Variants in KCNH1 observed in about 807,000 individuals in gnomAD.
The protein encoded by KCNH1 is voltage-gated delayed rectifier potassium channel KCNH1.
A neutral mutation model predicts 69.2 loss-of-function variants in KCNH1; 27 were observed. The observed-to-expected ratio is 0.39, with a 90% CI of 0.29 to 0.54. The LOEUF (loss-of-function observed/expected upper bound fraction) is 0.54. KCNH1 is among the 20% of genes least tolerant of loss of function. The pLI is 0.68. For synonymous variants in KCNH1, 456 were observed against 487.7 expected (o/e 0.93, Z 0.86); for missense variants, 798 against 1,261.6 (o/e 0.63, Z 5.57).
chr1:210,719,952 T>C (rs1364663927), intron 10 of KCNH1, among the ~76,000 whole-genome samples: 1 of 152,074 alleles, frequency 6.6e-6, no homozygotes, highest in Admixed American at 6.5e-5. Context: ...TCTAGCGCTA[T>C]GTGTGTAAAT....
chr1:210,791,172 G>A (rs1209693575), intron 9 of KCNH1, among the ~76,000 whole-genome samples: 1 of 152,182 alleles, frequency 6.6e-6, no homozygotes, highest in Non-Finnish European at 1.5e-5. Flanking sequence ...GTCATTTCTT[G>A]TGGTTTAGGT....
At chr1:210,932,744 A>G (rs976073426) in intron 6 of KCNH1, among the ~76,000 whole-genome samples, 2 of 152,182 alleles carry the variant, frequency 1.3e-5, no homozygotes, top group Non-Finnish European at 2.9e-5. Context: ...TAAGCCAAAA[A>G]CTGTAAAAAG....
chr1:210,839,553 C>T (rs1685360792), intron 7 of KCNH1, among the ~76,000 whole-genome samples: 1 of 152,054 alleles, frequency 6.6e-6, no homozygotes. Context: ...TGTAACAAAC[C>T]CACACATCCT....
intron 10 of KCNH1, among the ~76,000 whole-genome samples, chr1:210,771,126 A>G (rs563207591): frequency 1.1e-4 from 16 of 152,242 alleles, no homozygotes; most frequent in Non-Finnish European, 1.5e-4. Flanking sequence ...AGCTCTGATT[A>G]CAGACACAAG....
chr1:211,104,240 A>G (rs1691314581), intron 2 of KCNH1, among the ~76,000 whole-genome samples: 1 of 152,198 alleles, frequency 6.6e-6, no homozygotes, highest in Non-Finnish European at 1.5e-5. Context: ...CTTGAAAGCA[A>G]TGGGAGCACA....
intron 7 of KCNH1, among the ~76,000 whole-genome samples, chr1:210,873,642 G>C (rs1400040586): frequency 6.6e-6 from 1 of 152,106 alleles, no homozygotes; most frequent in Admixed American, 6.6e-5. Flanking sequence ...TGGGATTACA[G>C]GCATGAGCCA....
At chr1:210,997,862 A>C (rs897404401) in intron 6 of KCNH1, among the ~76,000 whole-genome samples, 1 of 152,272 alleles carries the variant, frequency 6.6e-6, no homozygotes, top group Non-Finnish European at 1.5e-5. Flanking sequence ...GATATTCAAC[A>C]TTCTTAAAGA....
At chr1:210,731,930 C>A (rs1436719980) in intron 10 of KCNH1, among the ~76,000 whole-genome samples, 1 of 152,154 alleles carries the variant, frequency 6.6e-6, no homozygotes, top group Admixed American at 6.5e-5. Flanking sequence ...TTCTGATTTT[C>A]TGTGCAAAGC....
At position 211,076,400 on chromosome 1, in the gene KCNH1, A is replaced by AGCAATATTTGCTGTTCT. The variant is rs554658177; in HGVS notation, c.558+6363_558+6379dup. Reference sequence around the variant, plus strand: ...GAGGCCTCCAAAGGAAGGATCAGGCAGCAATATTTGCTGTTCTGCAATATT... The same window carrying AGCAATATTTGCTGTTCT: ...GAGGCCTCCAAAGGAAGGATCAGGCAGCAATATTTGCTGTTCTGCAATATTTGCTGTTCTGCAATATT... On this transcript the variant is annotated intron_variant, in intron 5 of 10. Transcript: ENST00000271751. Among the ~76,000 whole-genome samples the AGCAATATTTGCTGTTCT allele has an allele frequency of 3.3e-5, 5 of 152,218 alleles. No individual in the cohort carries two copies. The East Asian group carries it at 9.6e-4, about 29-fold the overall frequency.
intron 7 of KCNH1, among the ~76,000 whole-genome samples, chr1:210,901,451 GGATGTGTGGGAT>G (rs1686994006): frequency 6.6e-6 from 1 of 152,162 alleles, no homozygotes; most frequent in Non-Finnish European, 1.5e-5. Flanking sequence ...GGTTGGATGG[GGATGTGTGGGAT>G]GGTGTGGGCA....
intron 7 of KCNH1, among the ~76,000 whole-genome samples, chr1:210,904,979 T>C (rs1169757908): frequency 6.6e-6 from 1 of 152,170 alleles, no homozygotes; most frequent in Non-Finnish European, 1.5e-5. Flanking sequence ...CCACCACCTA[T>C]GTTCATCAGA....
At chr1:210,908,877 G>A (rs978863691) in intron 7 of KCNH1, among the ~76,000 whole-genome samples, 6 of 152,314 alleles carry the variant, frequency 3.9e-5, no homozygotes, top group African/African-American at 9.6e-5. Flanking sequence ...AGCAGGGCAC[G>A]TGCAGCTCTG....
At chr1:211,071,107 A>G (rs1690634311) in intron 5 of KCNH1, among the ~76,000 whole-genome samples, 1 of 152,254 alleles carries the variant, frequency 6.6e-6, no homozygotes, top group South Asian at 2.1e-4. Context: ...TAACAAAATC[A>G]TAAGGAAGGA....
chr1:210,732,772 G>T (rs1682775594), intron 10 of KCNH1, among the ~76,000 whole-genome samples: 1 of 152,224 alleles, frequency 6.6e-6, no homozygotes, highest in Admixed American at 6.5e-5. Context: ...GCAGAGGAAG[G>T]AAGTTCTCTG....
At chr1:210,851,040 C>T (rs977183627) in intron 7 of KCNH1, among the ~76,000 whole-genome samples, 1 of 152,334 alleles carries the variant, frequency 6.6e-6, no homozygotes, top group Admixed American at 6.5e-5. Context: ...CAATATTTGT[C>T]TTCATGGCCC....
chr1:210,899,341 C>T (rs147245155), intron 7 of KCNH1, among the ~76,000 whole-genome samples: 2,048 of 152,226 alleles, frequency 0.013, 56 homozygotes, highest in African/African-American at 0.045. Flanking sequence ...TCTAAAAGAA[C>T]AGCACTCTTG....
At chr1:210,935,347 C>T (rs927839736) in intron 6 of KCNH1, among the ~76,000 whole-genome samples, 3 of 151,950 alleles carry the variant, frequency 2.0e-5, no homozygotes, top group South Asian at 2.1e-4. Flanking sequence ...GCAAAAATAA[C>T]GGTTACTAGA....
chr1:211,093,303 C>G (rs1057359885), intron 3 of KCNH1, among the ~76,000 whole-genome samples: 1 of 152,152 alleles, frequency 6.6e-6, no homozygotes, highest in Non-Finnish European at 1.5e-5. Flanking sequence ...CCCCTCTTAA[C>G]AGGTCCATTT....
At chr1:211,097,055 C>A (rs1460738462) in intron 3 of KCNH1, among the ~76,000 whole-genome samples, 2 of 152,170 alleles carry the variant, frequency 1.3e-5, no homozygotes, top group East Asian at 1.9e-4. Context: ...CCTAATCGAA[C>A]TCACATAGCT....
Sources: gnomAD v4.1 joint callset for allele counts (sites outside exome capture counted in the v4.1 genomes callset) on GRCh38, gnomAD v4.1.1 for gene constraint, MANE v1.5 for transcripts, NCBI Gene and HGNC (gene_info 2026-07-23, HGNC 2026-07-21) for gene names.